RBPMS: variants seen among roughly 807,000 people sequenced by gnomAD.
RBPMS encodes RNA-binding protein with multiple splicing.
RBPMS carries 7 observed loss-of-function variants against 26.8 expected under a neutral mutation model. The observed-to-expected ratio is 0.26, with a 90% CI of 0.15 to 0.49. RBPMS has a LOEUF of 0.49. RBPMS is among the 20% of genes least tolerant of loss of function. The pLI, the probability that RBPMS is intolerant of heterozygous loss-of-function variation, is 0.98. For missense variants in RBPMS, 186 were observed against 250.0 expected, an observed-to-expected ratio of 0.74 and a Z score of 1.73; for synonymous variants, 96 against 93.3, an observed-to-expected ratio of 1.03 and a Z score of -0.17.
At chr8:30,424,795 A>G (rs529499305) in intron 1 of RBPMS, among the ~76,000 whole-genome samples, 22 of 152,206 alleles carry the variant, frequency 1.4e-4, no homozygotes, top group South Asian at 6.2e-4. Context: ...CTCAGTGATC[A>G]GTGACAATTT....
intron 5 of RBPMS, among the ~76,000 whole-genome samples, chr8:30,528,043 C>T (rs1051927802): frequency 1.3e-5 from 2 of 152,162 alleles, no homozygotes; most frequent in East Asian, 1.9e-4. Flanking sequence ...GGCGTGGTGG[C>T]GGGCGCCTGT....
At position 30,547,439 on chromosome 8, in the gene RBPMS, AT is replaced by A. The variant is rs148506961; in HGVS notation, c.528+2819del. 31 of 1,580,362 alleles carry A rather than the reference AT, an allele frequency of 2.0e-5. No homozygotes were observed. In the East Asian group the frequency reaches 5.4e-4, roughly 27 times the overall value. ...CCCATGTTGAATTTGTTTGTTAGCT[AT>A]TTTCCCCCCTTTCACAAAAACTATT... On this transcript the variant is annotated intron_variant, in intron 6 of 8. Coordinates refer to ENST00000397323, the MANE Select transcript of RBPMS (RefSeq NM_001008710.3).
chr8:30,544,925 G>GC, intron 6 of RBPMS: 11 of 1,477,492 alleles, frequency 7.4e-6, no homozygotes, highest in Non-Finnish European at 9.0e-6. Context: ...CTCCCAGCTA[G>GC]CTAGAGGGCA....
Position 30,385,167 on chromosome 8 carries a change from C to A in RBPMS, c.66+9C>A. Reference sequence around the variant, plus strand: ...ACCTTCAGGAGGAGGAGGTACTGGGCGGCTCGGTGTGGTGGCGGGGGCGAC... The same window carrying A: ...ACCTTCAGGAGGAGGAGGTACTGGGAGGCTCGGTGTGGTGGCGGGGGCGAC... On this transcript the variant is annotated intron_variant, in intron 1 of 8. Transcript: ENST00000397323. 6.7e-7 allele frequency: 1 copy of A among 1,491,826 alleles called. No individual in the cohort carries two copies. The highest frequency in any genetic ancestry group is 8.9e-7 in the Non-Finnish European group (1 of 1,119,038). The allele number at this position is 1,491,826 out of a possible 1,614,324, so 92.4% of individuals were successfully genotyped here. A position where few individuals can be genotyped will look rare whatever the true frequency, so the allele number is the denominator to read the frequency against.
intron 1 of RBPMS, among the ~76,000 whole-genome samples, chr8:30,426,444 A>T (rs1811356142): frequency 6.6e-6 from 1 of 152,036 alleles, no homozygotes; most frequent in African/African-American, 2.4e-5. Context: ...TTCTTAGGAG[A>T]ATTAGATTAC....
intron 6 of RBPMS, among the ~76,000 whole-genome samples, chr8:30,557,381 T>C (rs1415700480): frequency 6.6e-6 from 1 of 152,132 alleles, no homozygotes; most frequent in East Asian, 1.9e-4. Context: ...TCCCTGCTTT[T>C]AGAATCAAGT....
chr8:30,522,274 A>G (rs1165391962), intron 5 of RBPMS, among the ~76,000 whole-genome samples: 2 of 143,074 alleles, frequency 1.4e-5, no homozygotes, highest in Non-Finnish European at 3.1e-5. Flanking sequence ...TCTCTATTTA[A>G]AAAAAAAAAA....
Position 30,544,474 on chromosome 8 carries a change from G to T in RBPMS, c.398-20G>T. 6.2e-7 allele frequency: 1 copy of T among 1,611,776 alleles called. No individual in the cohort carries two copies. The highest frequency in any genetic ancestry group is 8.5e-7 in the Non-Finnish European group (1 of 1,178,020). ...AGCTGTATGGTAACCACTAACTCTC[G>T]CCTTATTCTTTTCTTGCAGATGAGC... On this transcript the variant is annotated intron_variant, in intron 5 of 8. Coordinates refer to ENST00000397323, the MANE Select transcript of RBPMS (RefSeq NM_001008710.3).
At chr8:30,445,649 GATATATATATAT>G (rs59580323) in intron 1 of RBPMS, among the ~76,000 whole-genome samples, 30 of 107,344 alleles carry the variant, frequency 2.8e-4, no homozygotes, top group Middle Eastern at 0.013. Flanking sequence ...TATACACACG[GATATATATATAT>G]ATATATATAT....
At chr8:30,546,045 C>T (rs925662966) in intron 6 of RBPMS, among the ~76,000 whole-genome samples, 4 of 152,040 alleles carry the variant, frequency 2.6e-5, no homozygotes, top group African/African-American at 4.8e-5. Context: ...GTAACGGGGT[C>T]GGGATAAAAT....
chr8:30,503,338 C>T (rs1423149281), intron 4 of RBPMS, among the ~76,000 whole-genome samples: 3 of 152,112 alleles, frequency 2.0e-5, no homozygotes, highest in Non-Finnish European at 4.4e-5. Context: ...GTACCCTCTG[C>T]CTCATGGGCT....
intron 1 of RBPMS, among the ~76,000 whole-genome samples, chr8:30,422,489 G>A (rs28376395): frequency 0.12 from 18,790 of 151,872 alleles, 2,673 homozygotes; most frequent in African/African-American, 0.35. Context: ...GGCTCGTCTC[G>A]AACTCCTGGG....
chr8:30,458,302 C>A (rs1815469382), intron 1 of RBPMS, among the ~76,000 whole-genome samples: 3 of 152,124 alleles, frequency 2.0e-5, no homozygotes, highest in Admixed American at 1.3e-4. Context: ...AACAAAAAAA[C>A]CTTGGGTCCT....
chr8:30,544,944 G>A (rs956000313), intron 6 of RBPMS: 1 of 1,465,198 alleles, frequency 6.8e-7, no homozygotes, highest in African/African-American at 1.4e-5. Context: ...CATCACCAGA[G>A]TGTATACGTG....
chr8:30,556,109 C>T lies in RBPMS; in HGVS notation c.529-2778C>T, dbSNP rs114239171. ...TCTGTGGATGCGGTGAGAAGAGCCC[C>T]CCACTTGGCAAGCACATAGTGTCCT... is the stretch of plus-strand genomic sequence containing the variant. On this transcript the variant is annotated intron_variant, in intron 6 of 8. Transcript: ENST00000397323. The T allele has an allele frequency of 1.2e-3, 1,207 of 985,394 alleles. 16 individuals carry two copies. The African/African-American group carries it at 0.02, about 16-fold the overall frequency. The allele number at this position is 985,394 out of a possible 1,614,324, so 61.0% of individuals were successfully genotyped here. A position where few individuals can be genotyped will look rare whatever the true frequency, so the allele number is the denominator to read the frequency against.
chr8:30,536,705 T>C (rs144070504), intron 5 of RBPMS, among the ~76,000 whole-genome samples: 2,518 of 152,330 alleles, frequency 0.017, 22 homozygotes, highest in Non-Finnish European at 0.027. Flanking sequence ...ATATACTTCC[T>C]GAAACACTTT....
intron 1 of RBPMS, among the ~76,000 whole-genome samples, chr8:30,433,436 T>C (rs973649951): frequency 2.0e-5 from 3 of 152,204 alleles, no homozygotes; most frequent in Non-Finnish European, 2.9e-5. Flanking sequence ...AAAAGTTGTA[T>C]CATGATCAAG....
intron 1 of RBPMS, among the ~76,000 whole-genome samples, chr8:30,411,856 T>G (rs993779043): frequency 6.6e-6 from 1 of 151,730 alleles, no homozygotes; most frequent in African/African-American, 2.4e-5. Flanking sequence ...CGTTGTGGTC[T>G]GTGCCTGTAA....
chr8:30,435,124 C>T (rs895734724), intron 1 of RBPMS, among the ~76,000 whole-genome samples: 7 of 152,148 alleles, frequency 4.6e-5, no homozygotes, highest in African/African-American at 7.2e-5. Flanking sequence ...ACTGACATGA[C>T]GCCTCACATC....
Sources: gnomAD v4.1 joint callset for allele counts (sites outside exome capture counted in the v4.1 genomes callset) on GRCh38, gnomAD v4.1.1 for gene constraint, MANE v1.5 for transcripts, NCBI Gene and HGNC (gene_info 2026-07-23, HGNC 2026-07-21) for gene names.